Variants in ARL13B observed in about 807,000 individuals in gnomAD.
ARL13B encodes ARF like GTPase 13B, also known as ADP-ribosylation factor-like protein 13B.
ARL13B carries 36 observed loss-of-function variants against 56.1 expected under a neutral mutation model. The ratio of observed to expected loss-of-function variants is 0.64; its 90% CI spans 0.49 to 0.85. The LOEUF (loss-of-function observed/expected upper bound fraction) is 0.85. Ranked by LOEUF, ARL13B falls within the 40% of genes least tolerant of loss-of-function variation. The probability of loss-of-function intolerance (pLI) is 0.00; values close to 1 mark genes in which losing one functional copy is unlikely to be tolerated. For missense variants in ARL13B, 519 were observed against 507.1 expected, an observed-to-expected ratio of 1.02 and a Z score of -0.23; for synonymous variants, 178 against 171.1, an observed-to-expected ratio of 1.04 and a Z score of -0.32.
chr3:93,989,921 T>G (rs146869396), intron 1 of ARL13B, among the ~76,000 whole-genome samples: 2,098 of 152,312 alleles, frequency 0.014, 27 homozygotes, highest in Non-Finnish European at 0.024. Flanking sequence ...ATATTAGGAG[T>G]AAGCGGCTCA....
chr3:93,999,468 A>G (rs137961291), intron 2 of ARL13B, among the ~76,000 whole-genome samples: 23 of 152,198 alleles, frequency 1.5e-4, no homozygotes, highest in Non-Finnish European at 1.0e-4. Context: ...AGTACATAGT[A>G]GGTGTATATA....
chr3:93,985,814 A>G (rs564703914), intron 1 of ARL13B, among the ~76,000 whole-genome samples: 3 of 152,194 alleles, frequency 2.0e-5, no homozygotes, highest in African/African-American at 7.2e-5. Context: ...TTTCAGCATC[A>G]CAAATACAAC....
intron 9 of ARL13B, 59 bp downstream of exon 9, chr3:94,050,951 T>C (rs1161621862): frequency 6.6e-7 from 1 of 1,512,542 alleles, no homozygotes; most frequent in Non-Finnish European, 9.1e-7. Context: ...CACTTTTCTT[T>C]AGCCTTATAA....
At chr3:93,996,608 C>A in intron 2 of ARL13B, 1 of 442,088 alleles carries the variant, frequency 2.3e-6, no homozygotes. Context: ...GAATGCCTAG[C>A]CTCAAGCTAT....
Position 93,995,748 on chromosome 3 carries a change from TCCAACAGATTTTC to T in ARL13B, c.60-125_60-113del, listed in dbSNP as rs1176573011. 3.7e-6 allele frequency: 3 copies of T among 800,272 alleles called. No homozygotes were observed. In the African/African-American group the frequency reaches 5.2e-5, roughly 14 times the overall value. The allele number at this position is 800,272 out of a possible 1,614,324, so 49.6% of individuals were successfully genotyped here. On this transcript the variant is annotated intron_variant, in intron 1 of 9. Coordinates refer to ENST00000394222, the MANE Select transcript of ARL13B (RefSeq NM_001174150.2). ...TTATTCATCATTGTACTCCCTAGCA[TCCAACAGATTTTC>T]TTGTGCTTAATAGGTGCTCCTTAAA...
At chr3:94,010,774 A>G (rs2076210847) in intron 3 of ARL13B, among the ~76,000 whole-genome samples, 1 of 152,112 alleles carries the variant, frequency 6.6e-6, no homozygotes, top group African/African-American at 2.4e-5. Context: ...TAAAAGCAGT[A>G]TGTTCTAATA....
At chr3:93,982,103 G>C (rs1275492512) in intron 1 of ARL13B, among the ~76,000 whole-genome samples, 3 of 152,136 alleles carry the variant, frequency 2.0e-5, no homozygotes, top group Non-Finnish European at 1.5e-5. Flanking sequence ...CAGTGAAAAC[G>C]TGTAATTCGA....
At chr3:93,988,938 C>G in intron 1 of ARL13B, 1 of 296,840 alleles carries the variant, frequency 3.4e-6, no homozygotes, top group Non-Finnish European at 6.7e-6. Flanking sequence ...TGACCTTCCT[C>G]TTGGGCATCT....
Position 94,053,296 on chromosome 3 carries a change from G to A in ARL13B, c.*33G>A, listed in dbSNP as rs753533317. On this transcript the variant is annotated 3_prime_UTR_variant, in exon 10 of 10. Coordinates refer to ENST00000394222, the MANE Select transcript of ARL13B (RefSeq NM_001174150.2). ...GTATGGAGGAGTTCTCTTAATATCA[G>A]CAAGGTGAACTGGGACATTCTTCTT... The A allele has an allele frequency of 1.3e-6, 2 of 1,570,574 alleles. No individual in the cohort carries two copies. Among genetic ancestry groups the A allele is most frequent in the South Asian group, 1.1e-5 (1 of 90,208 alleles).
rs2077110760 is a variant in ARL13B at position 94,054,323 on chromosome 3, T to C, written c.*1060T>C. ...ATAAAAATGTTGGCCCAAAATTACT[T>C]TTATAAATAAATAATTCCAAAATAA... is the stretch of plus-strand genomic sequence containing the variant. On this transcript the variant is annotated 3_prime_UTR_variant, in exon 10 of 10. Transcript: ENST00000394222. 2.3e-6 allele frequency: 1 copy of C among 430,938 alleles called. No homozygotes were observed. Among genetic ancestry groups the C allele is most frequent in the African/African-American group, 2.0e-5 (1 of 48,978 alleles). 26.7% of individuals were successfully genotyped at this position (430,938 alleles called of 1,614,324 possible).
chr3:94,029,094 A>G (rs73156364), intron 3 of ARL13B, among the ~76,000 whole-genome samples: 88 of 151,500 alleles, frequency 5.8e-4, no homozygotes, highest in Non-Finnish European at 1.1e-3. Flanking sequence ...AATTTTATAT[A>G]GAACTAAAGT....
At position 93,980,367 on chromosome 3, in the gene ARL13B, G is replaced by T. The variant is rs570635024; in HGVS notation, c.-57G>T. On this transcript the variant is annotated 5_prime_UTR_variant, in exon 1 of 10. Coordinates refer to ENST00000394222, the MANE Select transcript of ARL13B (RefSeq NM_001174150.2). ...GTGCCGGAGGCCCCCGGGGAAGAGC[G>T]GGGTGCCGGTGTCCGCTCCGGGCTC... is the stretch of plus-strand genomic sequence containing the variant. The T allele has an allele frequency of 4.4e-6, 7 of 1,602,158 alleles. No individual in the cohort carries two copies. In the East Asian group the frequency reaches 1.3e-4, roughly 31 times the overall value.
chr3:94,021,594 C>A (rs1340184584), intron 3 of ARL13B, among the ~76,000 whole-genome samples: 2 of 152,118 alleles, frequency 1.3e-5, no homozygotes, highest in Non-Finnish European at 2.9e-5. Flanking sequence ...CATGTGGCAA[C>A]TTTGTGAAAG....
intron 8 of ARL13B, among the ~76,000 whole-genome samples, chr3:94,050,196 T>C (rs1238611430): frequency 6.6e-6 from 1 of 151,606 alleles, no homozygotes; most frequent in African/African-American, 2.4e-5. Flanking sequence ...AATTGGACCT[T>C]TCATCCTGAA....
intron 1 of ARL13B, among the ~76,000 whole-genome samples, chr3:93,985,095 A>G (rs1710390397): frequency 6.6e-6 from 1 of 152,234 alleles, no homozygotes; most frequent in African/African-American, 2.4e-5. Flanking sequence ...ATGTTTAGAA[A>G]GTTCATCAGC....
intron 3 of ARL13B, among the ~76,000 whole-genome samples, chr3:94,017,736 G>A: frequency 6.6e-6 from 1 of 152,296 alleles, no homozygotes; most frequent in East Asian, 1.9e-4. Context: ...TATTTGAGAT[G>A]TGAGACTGAA....
At chr3:93,997,633 C>G (rs2075989258) in intron 2 of ARL13B, among the ~76,000 whole-genome samples, 1 of 152,146 alleles carries the variant, frequency 6.6e-6, no homozygotes, top group Admixed American at 6.5e-5. Context: ...TTGCAGTCAT[C>G]CAGTCTCCTT....
At chr3:94,041,782 T>C (rs1381606419) in intron 6 of ARL13B, among the ~76,000 whole-genome samples, 1 of 152,056 alleles carries the variant, frequency 6.6e-6, no homozygotes, top group African/African-American at 2.4e-5. Flanking sequence ...AAATTAAAAA[T>C]GTCAATAAGT....
chr3:94,001,332 GA>G (rs35693263), intron 2 of ARL13B, among the ~76,000 whole-genome samples: 1 of 151,748 alleles, frequency 6.6e-6, no homozygotes, highest in African/African-American at 2.4e-5. Context: ...ATATAACCTT[GA>G]AAAAAAATCC....
Sources: allele counts gnomAD v4.1 joint callset (sites outside exome capture counted in the v4.1 genomes callset), GRCh38; gene constraint gnomAD v4.1.1; transcripts MANE v1.5; gene names NCBI Gene and HGNC (gene_info 2026-07-23, HGNC 2026-07-21).